The following GRIK4 variants were observed in gnomAD, a reference collection of about 807,000 sequenced individuals.
The protein encoded by GRIK4 is glutamate ionotropic receptor kainate type subunit 4.
GRIK4 carries 40 observed loss-of-function variants against 104.9 expected under a neutral mutation model. The ratio of observed to expected loss-of-function variants is 0.38; its 90% CI spans 0.30 to 0.50. GRIK4 has a LOEUF of 0.50. Ranked by LOEUF, GRIK4 falls within the 20% of genes least tolerant of loss-of-function variation. The probability of loss-of-function intolerance (pLI) is 0.93; values close to 1 mark genes in which losing one functional copy is unlikely to be tolerated. For synonymous variants in GRIK4, 485 were observed against 524.9 expected (o/e 0.92, Z 1.04); for missense variants, 1,047 against 1,308.1 (o/e 0.80, Z 3.08).
chr11:120,913,045 C>T (rs1943034429), intron 13 of GRIK4, among the ~76,000 whole-genome samples: 1 of 152,204 alleles, frequency 6.6e-6, no homozygotes, highest in South Asian at 2.1e-4. Flanking sequence ...AAACTGCTTT[C>T]ACAAGCATTA....
chr11:120,571,190 C>G (rs958891861), intron 1 of GRIK4, among the ~76,000 whole-genome samples: 32 of 152,166 alleles, frequency 2.1e-4, no homozygotes, highest in African/African-American at 6.8e-4. Flanking sequence ...GATTTACATT[C>G]CCTATTTCTG....
rs1294432110 is a variant in GRIK4 at position 120,653,786 on chromosome 11, C to T, written c.-57C>T. 2.0e-5 allele frequency: 3 copies of T among 152,272 alleles called. No homozygotes were observed. Among genetic ancestry groups the T allele is most frequent in the Admixed American group, 1.3e-4 (2 of 15,278 alleles). 9.4% of individuals were successfully genotyped at this position (152,272 alleles called of 1,614,324 possible). ...TCCCTGCTCTCCTGGCGCTCATCAC[C>T]CCGGAGGTAGGCACTGCCATTCCCA... is the stretch of plus-strand genomic sequence containing the variant. On this transcript the variant is annotated 5_prime_UTR_variant, in exon 2 of 21. Coordinates refer to ENST00000527524, the MANE Select transcript of GRIK4 (RefSeq NM_014619.5).
intron 1 of GRIK4, among the ~76,000 whole-genome samples, chr11:120,590,815 A>G (rs1448166645): frequency 6.6e-6 from 1 of 152,070 alleles, no homozygotes; most frequent in Non-Finnish European, 1.5e-5. Context: ...AGTGATTTAT[A>G]CAGATTGTTG....
intron 11 of GRIK4, among the ~76,000 whole-genome samples, chr11:120,882,873 G>A (rs1037296505): frequency 6.6e-6 from 1 of 152,156 alleles, no homozygotes. Flanking sequence ...AATACCAGAT[G>A]CTGTGATGGT....
intron 1 of GRIK4, among the ~76,000 whole-genome samples, chr11:120,638,014 G>T (rs767383627): frequency 6.6e-6 from 1 of 151,898 alleles, no homozygotes; most frequent in Non-Finnish European, 1.5e-5. Context: ...TGAGTGCCTG[G>T]GATTACAGGC....
chr11:120,971,613 AAG>A (rs1944476861), intron 19 of GRIK4, among the ~76,000 whole-genome samples: 1 of 152,196 alleles, frequency 6.6e-6, no homozygotes, highest in African/African-American at 2.4e-5. Flanking sequence ...CCTTGCCCTT[AAG>A]AGGTTTAGAA....
intron 1 of GRIK4, among the ~76,000 whole-genome samples, chr11:120,604,987 C>T (rs1285944991): frequency 3.3e-5 from 5 of 152,160 alleles, no homozygotes; most frequent in South Asian, 2.1e-4. Context: ...CTCAGCCTCC[C>T]GAGTAGCCGG....
chr11:120,607,749 A>G (rs1948980077), intron 1 of GRIK4, among the ~76,000 whole-genome samples: 1 of 152,158 alleles, frequency 6.6e-6, no homozygotes, highest in Non-Finnish European at 1.5e-5. Flanking sequence ...CCACGGGCCC[A>G]GATTGTGTCA....
At chr11:120,572,056 C>T (rs1191336947) in intron 1 of GRIK4, among the ~76,000 whole-genome samples, 2 of 152,230 alleles carry the variant, frequency 1.3e-5, no homozygotes. Flanking sequence ...AATCCACGAT[C>T]AAGATGCCGG....
intron 3 of GRIK4, among the ~76,000 whole-genome samples, chr11:120,782,306 G>A (rs1176135576): frequency 7.7e-6 from 1 of 129,754 alleles, no homozygotes; most frequent in East Asian, 2.2e-4. Context: ...TTTTTTTTGA[G>A]ACGGAGTCTC....
In GRIK4 at chr11:120,856,462, C is replaced by A. The variant is rs369478055; in HGVS notation, c.745-5497C>A. 6.9e-4 allele frequency among the ~76,000 whole-genome samples: 105 copies of A among 152,164 alleles called. No homozygotes were observed. In the South Asian group the frequency reaches 0.022, roughly 32 times the overall value. The stretch of plus-strand genomic sequence containing the variant: ...AGCAGCTATTGCAGAGGAGAAATGA[C>A]GAGGACCTAACCTGGAGGGGTTGGA... On this transcript the variant is annotated intron_variant, in intron 8 of 20. Coordinates refer to ENST00000527524, the MANE Select transcript of GRIK4 (RefSeq NM_014619.5).
chr11:120,629,940 T>C (rs997607087), intron 1 of GRIK4, among the ~76,000 whole-genome samples: 5 of 152,198 alleles, frequency 3.3e-5, no homozygotes, highest in African/African-American at 1.2e-4. Flanking sequence ...TTCATTGCAC[T>C]GGCAGTTGGG....
chr11:120,796,766 A>T (rs1249323469), intron 3 of GRIK4, among the ~76,000 whole-genome samples: 2 of 151,174 alleles, frequency 1.3e-5, no homozygotes, highest in African/African-American at 4.9e-5. Context: ...CATGCCAGAG[A>T]CTCAACAGGG....
chr11:120,600,053 C>T (rs1948863220), intron 1 of GRIK4, among the ~76,000 whole-genome samples: 1 of 152,188 alleles, frequency 6.6e-6, no homozygotes, highest in South Asian at 2.1e-4. Context: ...TGCCATCCGC[C>T]CACTCTGCAG....
chr11:120,785,466 G>A (rs1295398828), intron 3 of GRIK4, among the ~76,000 whole-genome samples: 1 of 152,164 alleles, frequency 6.6e-6, no homozygotes, highest in African/African-American at 2.4e-5. Flanking sequence ...CGTATACATA[G>A]GGCACTAACT....
rs950132481 is a variant in GRIK4 at position 120,890,886 on chromosome 11, G to A, written c.1165-7646G>A. Reference sequence around the variant, plus strand: ...AGGACTTACCCTGCCTTGGGGTTACGGTGGCCTCCCTAGAAGAAGCTGGAT... The same window carrying A: ...AGGACTTACCCTGCCTTGGGGTTACAGTGGCCTCCCTAGAAGAAGCTGGAT... On this transcript the variant is annotated intron_variant, in intron 11 of 20. Transcript: ENST00000527524. Among the ~76,000 whole-genome samples the A allele has an allele frequency of 4.6e-5, 7 of 152,284 alleles. No homozygotes were observed. The East Asian group carries it at 7.7e-4, about 17-fold the overall frequency.
chr11:120,680,770 G>A (rs1197466129), intron 3 of GRIK4, among the ~76,000 whole-genome samples: 1 of 152,238 alleles, frequency 6.6e-6, no homozygotes, highest in East Asian at 1.9e-4. Flanking sequence ...GCTGGATAGA[G>A]GCGAAGGGAG....
chr11:120,885,062 T>C lies in GRIK4; in HGVS notation c.1164+9819T>C, dbSNP rs541221264. 4.7e-4 allele frequency among the ~76,000 whole-genome samples: 71 copies of C among 152,414 alleles called. 1 individual carries two copies. The highest frequency in any genetic ancestry group is 1.5e-3 in the African/African-American group (64 of 41,604). ...AATACAACCAGCTTTCCCAAGGTAC[T>C]TCTCCACCTGGTGCGTTTAACAAAT... On this transcript the variant is annotated intron_variant, in intron 11 of 20. Coordinates refer to ENST00000527524, the MANE Select transcript of GRIK4 (RefSeq NM_014619.5).
chr11:120,981,244 G>A (rs992556624), intron 19 of GRIK4, among the ~76,000 whole-genome samples: 1 of 152,160 alleles, frequency 6.6e-6, no homozygotes, highest in Non-Finnish European at 1.5e-5. Flanking sequence ...TGACACAGTG[G>A]AAATGAAACA....
Sources: gnomAD v4.1 joint callset for allele counts (sites outside exome capture counted in the v4.1 genomes callset) on GRCh38, gnomAD v4.1.1 for gene constraint, MANE v1.5 for transcripts, NCBI Gene and HGNC (gene_info 2026-07-23, HGNC 2026-07-21) for gene names.